Variants in INSL6 observed in about 807,000 individuals in gnomAD.
INSL6 encodes insulin-like peptide INSL6.
In INSL6, 16 loss-of-function variants were observed where a neutral mutation model predicts 9.4. That is an observed-to-expected ratio of 1.70 (90% CI 1.15 to 2.59). The LOEUF (loss-of-function observed/expected upper bound fraction) is 2.59, where lower values mean the gene tolerates loss of function less well. Among genes scored for constraint, INSL6 ranks in the 30% most tolerant of loss-of-function variants. The pLI is 0.00. For missense variants in INSL6, 391 were observed against 257.3 expected (o/e 1.52, Z -3.56); for synonymous variants, 154 against 96.9 (o/e 1.59, Z -3.46).
At chr9:5,030,893 AAAT>A in the INSL6 span, among the ~76,000 whole-genome samples, 51 of 152,148 alleles carry the variant, frequency 3.4e-4, 1 homozygote, top group Non-Finnish European at 2.1e-4. Context: ...TTGGTGAAAA[AAAT>A]AAATGTTCAA....
rs765781922 is a variant in INSL6 at position 5,185,310 on chromosome 9, T to C, written c.289+4A>G. On this transcript the variant is annotated splice_donor_region_variant and intron_variant, in intron 1 of 1. Transcript: ENST00000381641. ...ACAAACATGCCTTCGGTTTCGATTT[T>C]TACCTGGGTTTGTGCCTCTTCCCCG... 48 of 1,613,986 alleles carry C rather than the reference T, an allele frequency of 3.0e-5. No individual in the cohort carries two copies. Among genetic ancestry groups the C allele is most frequent in the Non-Finnish European group, 4.0e-5 (47 of 1,180,016 alleles).
At chr9:5,000,326 G>A in the INSL6 span, among the ~76,000 whole-genome samples, 2 of 152,096 alleles carry the variant, frequency 1.3e-5, no homozygotes, top group East Asian at 3.8e-4. Context: ...ACATACCAAG[G>A]AAATAGTCGG....
chr9:5,112,010 G>C, the INSL6 span: 1 of 395,644 alleles, frequency 2.5e-6, no homozygotes, highest in East Asian at 7.3e-5. Context: ...CGTCGCACTA[G>C]CCTGGAGCAG....
At chr9:5,156,908 A>C (rs571818703) in intron 2 of INSL6, among the ~76,000 whole-genome samples, 1 of 152,150 alleles carries the variant, frequency 6.6e-6, no homozygotes, top group Admixed American at 6.5e-5. Flanking sequence ...TTAAAAAAAT[A>C]AAATACTTAA....
the INSL6 span, chr9:5,110,824 C>G: frequency 2.2e-6 from 1 of 445,188 alleles, no homozygotes; most frequent in Non-Finnish European, 4.3e-6. Context: ...CTGCATCGCC[C>G]GTTTGTTCGG....
chr9:5,168,805 G>GAAAA (rs3042335), intron 1 of INSL6, among the ~76,000 whole-genome samples: 62,010 of 151,632 alleles, frequency 0.41, 15,331 homozygotes, highest in African/African-American at 0.71. Flanking sequence ...CAAAATGAAG[G>GAAAA]AATGTTAAGT....
the INSL6 span, among the ~76,000 whole-genome samples, chr9:5,104,588 C>G: frequency 2.6e-5 from 4 of 152,294 alleles, no homozygotes; most frequent in South Asian, 8.3e-4. Context: ...GATACCAAAG[C>G]CTAGCAGAGA....
chr9:5,155,137 A>C (rs560084639), intron 2 of INSL6, among the ~76,000 whole-genome samples: 1 of 151,700 alleles, frequency 6.6e-6, no homozygotes, highest in African/African-American at 2.4e-5. Context: ...ATGGACTACT[A>C]TGCAGCCATA....
chr9:5,096,826 A>G, the INSL6 span: 33 of 152,298 alleles, frequency 2.2e-4, no homozygotes, highest in African/African-American at 7.2e-4. Context: ...GACCAGATCT[A>G]TAATGTTATT....
chr9:5,139,418 A>C (rs1374575942), intron 2 of INSL6, among the ~76,000 whole-genome samples: 1 of 152,218 alleles, frequency 6.6e-6, no homozygotes, highest in African/African-American at 2.4e-5. Context: ...CTTTTGCTAG[A>C]TGACAAAGAA....
At chr9:5,105,558 C>T in the INSL6 span, among the ~76,000 whole-genome samples, 1 of 152,138 alleles carries the variant, frequency 6.6e-6, no homozygotes, top group Non-Finnish European at 1.5e-5. Context: ...GAACTGGAAA[C>T]AACTACTTTC....
At chr9:5,104,280 T>A in the INSL6 span, among the ~76,000 whole-genome samples, 2 of 152,046 alleles carry the variant, frequency 1.3e-5, no homozygotes, top group Non-Finnish European at 2.9e-5. Context: ...AGAATACTAT[T>A]AACACCTCTA....
At chr9:5,179,483 T>G (rs1361002425) in intron 1 of INSL6, among the ~76,000 whole-genome samples, 2 of 149,236 alleles carry the variant, frequency 1.3e-5, no homozygotes, top group Non-Finnish European at 2.9e-5. Flanking sequence ...GACCCAGCAA[T>G]CCATTACTGG....
chr9:5,138,846 T>C (rs960520398), intron 2 of INSL6, among the ~76,000 whole-genome samples: 1 of 152,148 alleles, frequency 6.6e-6, no homozygotes, highest in African/African-American at 2.4e-5. Flanking sequence ...AGTGCCTCTT[T>C]TTTCAATTGA....
chr9:5,114,926 G>T, the INSL6 span: 3 of 180,480 alleles, frequency 1.7e-5, no homozygotes, highest in South Asian at 3.7e-4. Flanking sequence ...AACAGTGCCT[G>T]CTCAGAAAAC....
the INSL6 span, chr9:5,069,945 T>C: frequency 6.2e-7 from 1 of 1,602,340 alleles, no homozygotes; most frequent in Non-Finnish European, 8.5e-7. Context: ...CCTTCTAGTC[T>C]TCAGAACGAA....
At chr9:5,166,949 T>G (rs909926268) in intron 1 of INSL6, among the ~76,000 whole-genome samples, 5 of 151,692 alleles carry the variant, frequency 3.3e-5, no homozygotes, top group African/African-American at 7.3e-5. Context: ...TAAGAAACGG[T>G]TCGGGGAAGC....
chr9:5,109,936 A>C, the INSL6 span: 2 of 152,234 alleles, frequency 1.3e-5, no homozygotes, highest in Non-Finnish European at 2.9e-5. Context: ...ACTGGCTGAC[A>C]ATATGGCCGA....
At chr9:5,167,279 A>T (rs1490668662) in intron 1 of INSL6, among the ~76,000 whole-genome samples, 1 of 152,196 alleles carries the variant, frequency 6.6e-6, no homozygotes, top group Non-Finnish European at 1.5e-5. Flanking sequence ...TCATGAGCCC[A>T]TGCCACCAGG....
Sources: allele counts gnomAD v4.1 joint callset (sites outside exome capture counted in the v4.1 genomes callset), GRCh38; gene constraint gnomAD v4.1.1; transcripts MANE v1.5; gene names NCBI Gene and HGNC (gene_info 2026-07-23, HGNC 2026-07-21).